MAP1B: variants seen among roughly 807,000 people sequenced by gnomAD.
The protein encoded by MAP1B is microtubule-associated protein 1B.
Under a neutral mutation model 176.1 loss-of-function variants are expected in MAP1B, and 12 were observed. That is an observed-to-expected ratio of 0.07 (90% confidence interval 0.04 to 0.11). MAP1B has a LOEUF of 0.11. MAP1B is among the 10% of genes least tolerant of loss of function. The pLI is 1.00. For missense variants in MAP1B, 2,523 were observed against 2,990.5 expected (o/e 0.84, Z 3.65); for synonymous variants, 1,044 against 1,135.0 (o/e 0.92, Z 1.61).
In MAP1B at chr5:72,115,713, A is replaced by T; in HGVS notation, c.200A>T (p.Asp67Val). Residue 67 changes from aspartate (D) to valine (V), a missense_variant, in exon 2 of 7, where the codon GAC (aspartate) becomes GTC (valine). Transcript: ENST00000296755. ...GNIELGIRSW[D>V]TNLIECNLDQ... The stretch of plus-strand genomic sequence containing the variant: ...CCCTCCCTAGGAATCCGATCATGGG[A>T]CACAAACCTGATTGAATGCAACTTG... 4 of 1,610,814 alleles carry T rather than the reference A, an allele frequency of 2.5e-6. No individual in the cohort carries two copies. Among genetic ancestry groups the T allele is most frequent in the Non-Finnish European group, 3.4e-6 (4 of 1,177,012 alleles).
intron 4 of MAP1B, among the ~76,000 whole-genome samples, chr5:72,188,016 CTTCAAAATGCA>C (rs1357145872): frequency 6.6e-6 from 1 of 152,204 alleles, no homozygotes; most frequent in Non-Finnish European, 1.5e-5. Context: ...ATCTTTACCA[CTTCAAAATGCA>C]AGCTTTGGCT....
chr5:72,122,280 G>A (rs568271983), intron 2 of MAP1B, among the ~76,000 whole-genome samples: 8 of 152,050 alleles, frequency 5.3e-5, no homozygotes, highest in South Asian at 2.1e-4. Flanking sequence ...CATGCTGTCC[G>A]CTCTCACCCC....
chr5:72,109,275 G>A (rs994676662), intron 1 of MAP1B, among the ~76,000 whole-genome samples: 2 of 151,452 alleles, frequency 1.3e-5, no homozygotes, highest in Non-Finnish European at 2.9e-5. Context: ...GAAAGTCATA[G>A]TATTTTATTC....
At chr5:72,147,638 TG>T (rs773788124) in intron 2 of MAP1B, among the ~76,000 whole-genome samples, 2 of 152,174 alleles carry the variant, frequency 1.3e-5, no homozygotes, top group Non-Finnish European at 2.9e-5. Context: ...GGTGATCAAT[TG>T]GCCAGTATTC....
Position 72,197,153 on chromosome 5 carries a change from C to G in MAP1B, c.3798C>G (p.Pro1266=). ...SPSLSPSPPS[P]LEKTPLGERS... ...CCCTGAGTCCATCTCCACCATCACC[C>G]TTAGAAAAGACCCCCCTGGGTGAAC... Residue 1266 remains proline (P), a synonymous_variant, in exon 5 of 7, where the codon CCC becomes CCG. Transcript: ENST00000296755. 6.2e-7 allele frequency: 1 copy of G among 1,614,228 alleles called. No individual in the cohort carries two copies.
intron 2 of MAP1B, among the ~76,000 whole-genome samples, chr5:72,160,505 AG>A (rs1435876873): frequency 6.6e-6 from 1 of 152,112 alleles, no homozygotes; most frequent in Non-Finnish European, 1.5e-5. Flanking sequence ...TTTAGGTGGG[AG>A]GGTTCATGAA....
Position 72,107,509 on chromosome 5 carries a change from G to A in MAP1B, c.-23G>A, listed in dbSNP as rs1215745546. ...AGGAGCGGCCGGAGCGAGACACTTCGCCGAGGCACAGCAGCCGGCAGGATG... is the reference window on the plus strand; with the variant it reads ...AGGAGCGGCCGGAGCGAGACACTTCACCGAGGCACAGCAGCCGGCAGGATG... On this transcript the variant is annotated 5_prime_UTR_variant, in exon 1 of 7. Coordinates refer to ENST00000296755, the MANE Select transcript of MAP1B (RefSeq NM_005909.5). The A allele has an allele frequency of 5.9e-6, 9 of 1,538,032 alleles. No homozygotes were observed. The highest frequency in any genetic ancestry group is 6.1e-6 in the Non-Finnish European group (7 of 1,144,830).
chr5:72,129,557 A>C (rs912262189), intron 2 of MAP1B, among the ~76,000 whole-genome samples: 2 of 143,376 alleles, frequency 1.4e-5, no homozygotes, highest in African/African-American at 2.5e-5. Flanking sequence ...ACTCCGTCCT[A>C]AAAAAAAAAA....
intron 1 of MAP1B, among the ~76,000 whole-genome samples, chr5:72,107,948 G>A (rs1212949897): frequency 1.3e-5 from 2 of 152,210 alleles, no homozygotes; most frequent in African/African-American, 4.8e-5. Flanking sequence ...TCACCACGCT[G>A]AGTCCGCAGC....
At chr5:72,134,168 A>G (rs1458162650) in intron 2 of MAP1B, among the ~76,000 whole-genome samples, 1 of 152,228 alleles carries the variant, frequency 6.6e-6, no homozygotes, top group Non-Finnish European at 1.5e-5. Flanking sequence ...GATTTGATTG[A>G]AAAAGAAAAA....
In MAP1B at chr5:72,197,162, G is replaced by T. The variant is rs778832697; in HGVS notation, c.3807G>T (p.Lys1269Asn). ...LSPSPPSPLEKTPLGERSVNF... is the reference protein window; with the variant it reads ...LSPSPPSPLENTPLGERSVNF... ...CATCTCCACCATCACCCTTAGAAAA[G>T]ACCCCCCTGGGTGAACGTAGTGTGA... Residue 1269 changes from lysine (K) to asparagine (N), a missense_variant, in exon 5 of 7, where the codon AAG (lysine) becomes AAT (asparagine). Lys to Asn is a moderately conservative substitution (Grantham distance 94). Around this residue, in one of 4 missense-constraint regions of MAP1B, gnomAD observed 1,925 missense variants for 2,126.0 expected, o/e 0.91. Coordinates refer to ENST00000296755, the MANE Select transcript of MAP1B (RefSeq NM_005909.5). The T allele has an allele frequency of 9.9e-6, 16 of 1,614,040 alleles. No homozygotes were observed. In the African/African-American group the frequency reaches 1.5e-4, roughly 15 times the overall value.
chr5:72,201,731 A>G (rs1747337630), intron 5 of MAP1B, among the ~76,000 whole-genome samples: 1 of 152,260 alleles, frequency 6.6e-6, no homozygotes, highest in East Asian at 1.9e-4. Flanking sequence ...GAGCTCTCCA[A>G]TTAAGTACAC....
intron 2 of MAP1B, among the ~76,000 whole-genome samples, chr5:72,157,909 G>A (rs1195334241): frequency 1.3e-5 from 2 of 151,860 alleles, no homozygotes; most frequent in African/African-American, 4.8e-5. Flanking sequence ...GCACGATCTT[G>A]GCTCACTGCA....
chr5:72,109,247 A>G (rs1016692068), intron 1 of MAP1B, among the ~76,000 whole-genome samples: 27 of 142,102 alleles, frequency 1.9e-4, no homozygotes, highest in African/African-American at 1.1e-4. Context: ...AAAAAAAAAA[A>G]GAAAAAAAAT....
rs565305192 is a variant in MAP1B, at chr5:72,145,007, C to T, written c.286+29208C>T. 3.3e-3 allele frequency among the ~76,000 whole-genome samples: 502 copies of T among 152,288 alleles called. 3 individuals carry two copies. The highest frequency in any genetic ancestry group is 4.5e-3 in the Non-Finnish European group (306 of 68,016). ...CATCCCTGCCTATCTCTGGTGCTGC[C>T]TGTGAATTATACTCTGTTTTGGTGA... On this transcript the variant is annotated intron_variant, in intron 2 of 6. Transcript: ENST00000296755.
In MAP1B at chr5:72,199,559, A is replaced by G; in HGVS notation, c.6204A>G (p.Ala2068=). 6.2e-7 allele frequency: 1 copy of G among 1,614,182 alleles called. No individual in the cohort carries two copies. The highest frequency in any genetic ancestry group is 8.5e-7 in the Non-Finnish European group (1 of 1,180,010). ...AGACTTCAGACCTATGCTACACTGCAGAAAAGAAGTCCCCCTCAGAAGCCC... is the reference window on the plus strand; with the variant it reads ...AGACTTCAGACCTATGCTACACTGCGGAAAAGAAGTCCCCCTCAGAAGCCC... ...SYETSDLCYT[A]EKKSPSEARQ... is the part of the protein sequence containing the mutation. Residue 2068 remains alanine, a synonymous_variant, in exon 5 of 7, where the codon GCA becomes GCG. Transcript: ENST00000296755. The surrounding 1 kb of genome is among the most constrained non-coding windows in gnomAD (Gnocchi z 4.2).
intron 1 of MAP1B, among the ~76,000 whole-genome samples, chr5:72,111,450 C>T (rs1197430519): frequency 6.6e-6 from 1 of 152,188 alleles, no homozygotes. Flanking sequence ...TACATTGTTA[C>T]ATTCTGATGT....
rs7706682 is a variant in MAP1B, at chr5:72,129,530, C to G, written c.286+13731C>G. On this transcript the variant is annotated intron_variant, in intron 2 of 6. Transcript: ENST00000296755. Reference sequence around the variant, plus strand: ...CGAGATTGTGCCACTGCACTCTAGCCTAGCTGACAGAGTGAGACTCCGTCC... The same window carrying G: ...CGAGATTGTGCCACTGCACTCTAGCGTAGCTGACAGAGTGAGACTCCGTCC... Among the ~76,000 whole-genome samples the G allele has an allele frequency of 6.3e-3, 952 of 151,962 alleles. 9 individuals carry two copies. The highest frequency in any genetic ancestry group is 0.022 in the African/African-American group (917 of 41,418).
chr5:72,197,618 T>G lies in MAP1B; in HGVS notation c.4263T>G (p.Ser1421=). 6.2e-7 allele frequency: 1 copy of G among 1,614,198 alleles called. No individual in the cohort carries two copies. ...ESFLSADDKA[S]GRGAESPFEE... ...TTCTAAGTGCTGATGACAAGGCTTC[T>G]GGCAGAGGTGCCGAAAGTCCTTTTG... is the stretch of plus-strand genomic sequence containing the variant. The change falls in exon 5 of 7, where the codon TCT becomes TCG. Residue 1421 remains serine (S), a synonymous_variant. Coordinates refer to ENST00000296755, the MANE Select transcript of MAP1B (RefSeq NM_005909.5).
Sources: gnomAD v4.1 joint callset for allele counts (sites outside exome capture counted in the v4.1 genomes callset) on GRCh38, gnomAD v4.1.1 for gene constraint, gnomAD v4.1.1 regional missense constraint, Gnocchi (gnomAD v3.1) non-coding constraint, MANE v1.5 for transcripts, NCBI Gene and HGNC (gene_info 2026-07-23, HGNC 2026-07-21) for gene names.